Variants in PCDHA3 observed in about 807,000 individuals in gnomAD.
PCDHA3 encodes the protein protocadherin alpha 3, also known as protocadherin alpha-3.
A neutral mutation model predicts 62.2 loss-of-function variants in PCDHA3; 41 were observed. That is an observed-to-expected ratio of 0.66 (90% CI 0.51 to 0.86). PCDHA3 has a LOEUF of 0.86. Among genes scored for constraint, PCDHA3 ranks in the 40% least tolerant of loss-of-function variants. PCDHA3 has a pLI of 0.00. For synonymous variants in PCDHA3, 640 were observed against 555.4 expected (o/e 1.15, Z -2.14); for missense variants, 1,304 against 1,241.2 (o/e 1.05, Z -0.76).
At chr5:140,840,642 A>G (rs1776791475) in intron 1 of PCDHA3, among the ~76,000 whole-genome samples, 1 of 152,086 alleles carries the variant, frequency 6.6e-6, no homozygotes, top group Non-Finnish European at 1.5e-5. Flanking sequence ...ATATAGAGAA[A>G]TAGTGTAAAG....
chr5:140,825,986 T>C (rs1768779774), intron 1 of PCDHA3: 1 of 152,306 alleles, frequency 6.6e-6, no homozygotes, highest in Non-Finnish European at 1.5e-5. Context: ...TATGGATTTA[T>C]AGGTAGTAAA....
intron 1 of PCDHA3, chr5:140,927,762 T>A (rs781993567): frequency 1.8e-5 from 29 of 1,613,934 alleles, no homozygotes; most frequent in Non-Finnish European, 2.4e-5. Context: ...ACCCTAAAAG[T>A]GGGGAGGTGC....
At chr5:140,970,280 C>G (rs1445871505) in intron 1 of PCDHA3, among the ~76,000 whole-genome samples, 3 of 152,138 alleles carry the variant, frequency 2.0e-5, no homozygotes, top group East Asian at 1.9e-4. Flanking sequence ...TGTAAAGTAG[C>G]CTTTTCAAGT....
In PCDHA3 at chr5:140,803,406, C is replaced by A. The variant is rs1554122792; in HGVS notation, c.2209C>A (p.Pro737Thr). 4 of 1,614,226 alleles carry A rather than the reference C, an allele frequency of 2.5e-6. No individual in the cohort carries two copies. In the South Asian group the frequency reaches 4.4e-5, roughly 18 times the overall value. The change falls in exon 1 of 4, where the codon CCC becomes ACC. Residue 737 changes from proline to threonine, a missense_variant. Pro to Thr is a conservative substitution (Grantham distance 38). Transcript: ENST00000522353. ...PTEGDCGPGKPTLVCSSAVGS... is the reference protein window; with the variant it reads ...PTEGDCGPGKTTLVCSSAVGS... ...CGAAGGCGACTGTGGGCCGGGCAAG[C>A]CCACGCTGGTGTGCTCCAGCGCGGT...
intron 1 of PCDHA3, chr5:140,877,261 G>T: frequency 6.2e-7 from 1 of 1,613,814 alleles, no homozygotes; most frequent in South Asian, 1.1e-5. Context: ...AGTGCGCGCG[G>T]TGGACGCTGA....
intron 1 of PCDHA3, chr5:140,927,592 G>T: frequency 6.2e-7 from 1 of 1,614,170 alleles, no homozygotes; most frequent in Admixed American, 1.7e-5. Context: ...GCCTGTATTT[G>T]AGCGCTCCGT....
Position 140,856,487 on chromosome 5 carries a change from C to G in PCDHA3, c.2394+52896C>G, listed in dbSNP as rs1171656977. Reference sequence around the variant, plus strand: ...GCTCTCAATACCTGAATCCAGACTGCTTGACTCTCGATTTCCACTAGAAGG... The same window carrying G: ...GCTCTCAATACCTGAATCCAGACTGGTTGACTCTCGATTTCCACTAGAAGG... On this transcript the variant is annotated intron_variant, in intron 1 of 3. Coordinates refer to ENST00000522353, the MANE Select transcript of PCDHA3 (RefSeq NM_018906.3). 4 of 1,598,200 alleles carry G rather than the reference C, an allele frequency of 2.5e-6. No homozygotes were observed. The African/African-American group carries it at 5.4e-5, about 22-fold the overall frequency.
chr5:140,918,021 A>G (rs2078482403), intron 1 of PCDHA3, among the ~76,000 whole-genome samples: 2 of 152,190 alleles, frequency 1.3e-5, no homozygotes, highest in South Asian at 2.1e-4. Flanking sequence ...CTTCCTACCC[A>G]TGAGCGTGGA....
At chr5:140,997,510 C>T (rs536611731) in intron 3 of PCDHA3, among the ~76,000 whole-genome samples, 60 of 152,102 alleles carry the variant, frequency 3.9e-4, no homozygotes, top group Non-Finnish European at 6.9e-4. Context: ...CATACCTAAA[C>T]GCAGAAAAAG....
At chr5:141,009,345 G>C (rs1409011729) in intron 3 of PCDHA3, among the ~76,000 whole-genome samples, 1 of 152,164 alleles carries the variant, frequency 6.6e-6, no homozygotes, top group African/African-American at 2.4e-5. Context: ...TGTAGTTCCA[G>C]CTACTTGGGA....
intron 1 of PCDHA3, chr5:140,849,768 G>C (rs2150449044): frequency 6.3e-7 from 1 of 1,598,502 alleles, no homozygotes; most frequent in East Asian, 2.2e-5. Context: ...CGAGCTGGTG[G>C]TTACCGCGCG....
rs2150217412 is a variant in PCDHA3, at chr5:140,834,416, C to T, written c.2394+30825C>T. 4.3e-6 allele frequency: 7 copies of T among 1,611,040 alleles called. No individual in the cohort carries two copies. In the East Asian group the frequency reaches 1.1e-4, roughly 26 times the overall value. The stretch of plus-strand genomic sequence containing the variant: ...GCCCGAATGGATACGACCCAGGGGG[C>T]CGACATCTACTGCTGTTTATTATAA... On this transcript the variant is annotated intron_variant, in intron 1 of 3. Transcript: ENST00000522353.
intron 1 of PCDHA3, among the ~76,000 whole-genome samples, chr5:140,971,388 C>A (rs1554233283): frequency 6.6e-6 from 1 of 152,132 alleles, no homozygotes; most frequent in Non-Finnish European, 1.5e-5. Flanking sequence ...TTAATAAAGG[C>A]AAATTTCTGC....
rs1236174883 is a variant in PCDHA3 at position 140,948,633 on chromosome 5, C to T, written c.2395-30316C>T. Among the ~76,000 whole-genome samples the T allele has an allele frequency of 2.6e-5, 4 of 151,768 alleles. No individual in the cohort carries two copies. The East Asian group carries it at 7.7e-4, about 29-fold the overall frequency. ...GGCACAAAGTTGTTAATAATATTCTCTCATCTTTTAACGTCTGTATAATCT... is the reference window on the plus strand; with the variant it reads ...GGCACAAAGTTGTTAATAATATTCTTTCATCTTTTAACGTCTGTATAATCT... On this transcript the variant is annotated intron_variant, in intron 1 of 3. Transcript: ENST00000522353.
chr5:140,837,632 CCTTT>C (rs140175664), intron 1 of PCDHA3, among the ~76,000 whole-genome samples: 9,222 of 151,164 alleles, frequency 0.061, 992 homozygotes, highest in African/African-American at 0.21. Context: ...TTCCTTCCTT[CCTTT>C]CTTTCTTTCT....
intron 1 of PCDHA3, among the ~76,000 whole-genome samples, chr5:140,921,801 A>T (rs1450383901): frequency 6.6e-6 from 1 of 152,286 alleles, no homozygotes. Context: ...ATAACACAAG[A>T]TAAGATACAT....
At chr5:140,877,725 G>A (rs570815670) in intron 1 of PCDHA3, 1 of 1,614,124 alleles carries the variant, frequency 6.2e-7, no homozygotes, top group Non-Finnish European at 8.5e-7. Flanking sequence ...GGTCTTACTC[G>A]CAGCAGAGGA....
At chr5:140,929,103 G>C (rs1424047708) in intron 1 of PCDHA3, 1 of 1,614,062 alleles carries the variant, frequency 6.2e-7, no homozygotes, top group East Asian at 2.2e-5. Flanking sequence ...ATCCTTGCAT[G>C]ACATCAGCCA....
intron 1 of PCDHA3, among the ~76,000 whole-genome samples, chr5:140,916,315 A>C (rs1554197391): frequency 3.9e-5 from 6 of 152,204 alleles, no homozygotes; most frequent in Non-Finnish European, 8.8e-5. Context: ...GGTGCAAGAC[A>C]AAGTCCCCTT....
Sources: allele counts gnomAD v4.1 joint callset (sites outside exome capture counted in the v4.1 genomes callset), GRCh38; gene constraint gnomAD v4.1.1; transcripts MANE v1.5; gene names NCBI Gene and HGNC (gene_info 2026-07-23, HGNC 2026-07-21).